Variants in RBMS3 observed in about 807,000 individuals in gnomAD.
RBMS3 encodes the protein RNA-binding motif, single-stranded-interacting protein 3.
RBMS3 carries 27 observed loss-of-function variants against 66.8 expected under a neutral mutation model. That is an observed-to-expected ratio of 0.40 (90% CI 0.30 to 0.56). The LOEUF (loss-of-function observed/expected upper bound fraction) is 0.56, where lower values mean the gene tolerates loss of function less well. RBMS3 is among the 20% of genes least tolerant of loss of function. The pLI, the probability that RBMS3 is intolerant of heterozygous loss-of-function variation, is 0.40. For synonymous variants in RBMS3, 188 were observed against 183.0 expected (o/e 1.03, Z -0.22); for missense variants, 513 against 549.5 (o/e 0.93, Z 0.66).
At chr3:29,553,442 G>GACAGAGGGGACAAC (rs1232781666) in intron 3 of RBMS3, among the ~76,000 whole-genome samples, 1 of 152,142 alleles carries the variant, frequency 6.6e-6, no homozygotes, top group Non-Finnish European at 1.5e-5. Flanking sequence ...GGTTGTCCCA[G>GACAGAGGGGACAAC]TTTAGACAGA....
chr3:29,404,479 C>T (rs2039934514), intron 1 of RBMS3, among the ~76,000 whole-genome samples: 1 of 152,102 alleles, frequency 6.6e-6, no homozygotes, highest in East Asian at 1.9e-4. Flanking sequence ...TTAGGTCCAA[C>T]TTATATAAAT....
chr3:29,821,716 T>C (rs2149475652), intron 6 of RBMS3, among the ~76,000 whole-genome samples: 1 of 152,312 alleles, frequency 6.6e-6, no homozygotes, highest in African/African-American at 2.4e-5. Flanking sequence ...ATAGGAACTT[T>C]TTAATATTTA....
At chr3:29,939,593 T>TCCAGTTTGTCCCAAGAACTC (rs2061343768) in intron 11 of RBMS3, among the ~76,000 whole-genome samples, 1 of 151,898 alleles carries the variant, frequency 6.6e-6, no homozygotes, top group East Asian at 1.9e-4. Context: ...AAATATTGGG[T>TCCAGTTTGTCCCAAGAACTC]CCAGTTTGTC....
intron 2 of RBMS3, among the ~76,000 whole-genome samples, chr3:29,454,311 G>A (rs1015910309): frequency 4.6e-5 from 7 of 152,166 alleles, no homozygotes; most frequent in Non-Finnish European, 7.3e-5. Context: ...GTTGGGGTGG[G>A]AGTGAGGAGA....
intron 8 of RBMS3, among the ~76,000 whole-genome samples, chr3:29,896,976 G>T (rs564659726): frequency 1.3e-5 from 2 of 151,636 alleles, no homozygotes; most frequent in East Asian, 2.0e-4. Flanking sequence ...TCTAGGAACT[G>T]GTCTTTATTT....
At chr3:29,997,113 A>T (rs1424751256) in intron 14 of RBMS3, among the ~76,000 whole-genome samples, 3 of 151,648 alleles carry the variant, frequency 2.0e-5, no homozygotes, top group African/African-American at 7.3e-5. Context: ...AGAAATACAA[A>T]CTACCATCAG....
chr3:29,533,499 C>T (rs933358253), intron 3 of RBMS3, among the ~76,000 whole-genome samples: 12 of 151,258 alleles, frequency 7.9e-5, no homozygotes, highest in African/African-American at 2.7e-4. Flanking sequence ...AAATAGGGCC[C>T]GGCATGGTGG....
At chr3:29,871,753 G>T (rs1213579541) in intron 7 of RBMS3, among the ~76,000 whole-genome samples, 1 of 152,072 alleles carries the variant, frequency 6.6e-6, no homozygotes, top group Non-Finnish European at 1.5e-5. Context: ...AAATTCTTAG[G>T]ATACAAAACC....
At chr3:29,527,130 G>C (rs1015808571) in intron 3 of RBMS3, among the ~76,000 whole-genome samples, 1 of 137,566 alleles carries the variant, frequency 7.3e-6, no homozygotes, top group East Asian at 2.2e-4. Flanking sequence ...ATGATATCTA[G>C]GAGGACCCAA....
chr3:29,514,813 T>C lies in RBMS3; in HGVS notation c.307+26314T>C, dbSNP rs568287390. ...GATAGGCATATATATGTATATATGA[T>C]AGGCATATATATAATAATATGAGGA... On this transcript the variant is annotated intron_variant, in intron 3 of 14. Transcript: ENST00000383767. Among the ~76,000 whole-genome samples, 22 of 151,082 alleles carry C rather than the reference T, an allele frequency of 1.5e-4. 1 individual carries two copies. The South Asian group carries it at 4.0e-3, about 27-fold the overall frequency.
intron 12 of RBMS3, among the ~76,000 whole-genome samples, chr3:29,965,720 C>T (rs77247405): frequency 5.9e-5 from 9 of 152,090 alleles, no homozygotes; most frequent in Non-Finnish European, 1.0e-4. Context: ...TGTACAAAAG[C>T]ATCTTAGTTT....
intron 1 of RBMS3, among the ~76,000 whole-genome samples, chr3:29,326,401 C>G (rs1308039943): frequency 1.3e-5 from 2 of 152,168 alleles, no homozygotes; most frequent in East Asian, 3.9e-4. Flanking sequence ...CTATGTCTTG[C>G]AAGCCTCTTA....
intron 4 of RBMS3, among the ~76,000 whole-genome samples, chr3:29,623,992 G>A (rs770455449): frequency 2.0e-4 from 30 of 152,178 alleles, no homozygotes; most frequent in Non-Finnish European, 2.8e-4. Flanking sequence ...TATTATTCTA[G>A]CTATGTGCTA....
chr3:29,478,221 A>G (rs2043015268), intron 2 of RBMS3, among the ~76,000 whole-genome samples: 1 of 152,172 alleles, frequency 6.6e-6, no homozygotes. Flanking sequence ...TTGTCAGTCT[A>G]TTTGGGCTAC....
At chr3:29,730,375 A>C (rs952611513) in intron 4 of RBMS3, among the ~76,000 whole-genome samples, 2 of 152,040 alleles carry the variant, frequency 1.3e-5, no homozygotes, top group Non-Finnish European at 2.9e-5. Context: ...AATGCCCCTA[A>C]TATCTTTTAC....
At chr3:29,333,953 A>G (rs1411291354) in intron 1 of RBMS3, among the ~76,000 whole-genome samples, 1 of 152,204 alleles carries the variant, frequency 6.6e-6, no homozygotes, top group Non-Finnish European at 1.5e-5. Flanking sequence ...TACTTCCATA[A>G]TTAGAGAGAT....
intron 6 of RBMS3, among the ~76,000 whole-genome samples, chr3:29,833,620 A>G (rs1226412570): frequency 6.6e-6 from 1 of 152,156 alleles, no homozygotes; most frequent in Admixed American, 6.5e-5. Flanking sequence ...ATCATTTGAA[A>G]ATATTCCATC....
chr3:29,739,920 T>G (rs1410984497), intron 5 of RBMS3, 43 bp downstream of exon 5: 6 of 1,390,930 alleles, frequency 4.3e-6, no homozygotes, highest in Non-Finnish European at 5.7e-6. Context: ...TCCTCATTGT[T>G]CCTTTTAAAT....
chr3:29,621,597 G>C (rs890039180), intron 4 of RBMS3, among the ~76,000 whole-genome samples: 2 of 152,072 alleles, frequency 1.3e-5, no homozygotes, highest in African/African-American at 2.4e-5. Flanking sequence ...CCATTAGTTG[G>C]AAAGGACAAC....
Sources: gnomAD v4.1 joint callset for allele counts (sites outside exome capture counted in the v4.1 genomes callset) on GRCh38, gnomAD v4.1.1 for gene constraint, MANE v1.5 for transcripts, NCBI Gene and HGNC (gene_info 2026-07-23, HGNC 2026-07-21) for gene names.